The following CTLA4 variants were observed in gnomAD, a reference collection of about 807,000 sequenced individuals.
The protein encoded by CTLA4 is cytotoxic T-lymphocyte protein 4.
CTLA4 carries 3 observed loss-of-function variants against 20.4 expected under a neutral mutation model. The observed-to-expected ratio is 0.15, with a 90% CI of 0.07 to 0.38. The LOEUF (loss-of-function observed/expected upper bound fraction) is 0.38, where lower values mean the gene tolerates loss of function less well. Among genes scored for constraint, CTLA4 ranks in the 10% least tolerant of loss-of-function variants. The pLI, the probability that CTLA4 is intolerant of heterozygous loss-of-function variation, is 1.00. For missense variants in CTLA4, 184 were observed against 276.8 expected, an observed-to-expected ratio of 0.66 and a Z score of 2.38; for synonymous variants, 100 against 105.2, an observed-to-expected ratio of 0.95 and a Z score of 0.30.
At chr2:203,868,844 T>C (rs1371033861) in intron 1 of CTLA4, among the ~76,000 whole-genome samples, 2 of 152,268 alleles carry the variant, frequency 1.3e-5, no homozygotes, top group Non-Finnish European at 2.9e-5. Flanking sequence ...CTCAACCTTA[T>C]CTCTCTCTAG....
chr2:203,868,697 A>G (rs1389335168), intron 1 of CTLA4, among the ~76,000 whole-genome samples: 1 of 152,098 alleles, frequency 6.6e-6, no homozygotes, highest in East Asian at 1.9e-4. Flanking sequence ...GAAAGCCACC[A>G]GTCTGTTTGG....
At chr2:203,871,996 G>T (rs1460333458) in intron 3 of CTLA4, among the ~76,000 whole-genome samples, 1 of 152,164 alleles carries the variant, frequency 6.6e-6, no homozygotes, top group Non-Finnish European at 1.5e-5. Flanking sequence ...GCTTGACTGG[G>T]ACGTTTTGCC....
In CTLA4 at chr2:203,872,847, T is replaced by C; in HGVS notation, c.*35T>C. ...ATGAAGAAGAGAGTCCATATTTCAA[T>C]TTCCAAGAGCTGAGGCAATTCTAAC... On this transcript the variant is annotated 3_prime_UTR_variant, in exon 4 of 4. Transcript: ENST00000648405. The C allele has an allele frequency of 7.3e-7, 1 of 1,369,274 alleles. No individual in the cohort carries two copies. Among genetic ancestry groups the C allele is most frequent in the Non-Finnish European group, 1.0e-6 (1 of 959,992 alleles). 84.8% of individuals were successfully genotyped at this position (1,369,274 alleles called of 1,614,324 possible). A position where few individuals can be genotyped will look rare whatever the true frequency, so the allele number is the denominator to read the frequency against.
At position 203,873,327 on chromosome 2, in the gene CTLA4, CATATATATATATATATATATATATATAT is replaced by C. The variant is rs60872763; in HGVS notation, c.*544_*571del. The C allele has an allele frequency of 8.2e-3, 1,496 of 183,194 alleles. 50 individuals are homozygous for C. The highest frequency in any genetic ancestry group is 0.039 in the African/African-American group (1,202 of 30,762). 11.3% of individuals were successfully genotyped at this position (183,194 alleles called of 1,614,324 possible). A position where few individuals can be genotyped will look rare whatever the true frequency, so the allele number is the denominator to read the frequency against. On this transcript the variant is annotated 3_prime_UTR_variant, in exon 4 of 4. Transcript: ENST00000648405. ...TGCTAAAGGTTGTATTGCATATATA[CATATATATATATATATATATATATATAT>C]ATATATATATATATATATATATATA... is the stretch of plus-strand genomic sequence containing the variant.
Position 203,870,762 on chromosome 2 carries a change from A to T in CTLA4, c.286A>T (p.Thr96Ser). 3 of 1,614,124 alleles carry T rather than the reference A, an allele frequency of 1.9e-6. No homozygotes were observed. Among genetic ancestry groups the T allele is most frequent in the Non-Finnish European group, 2.5e-6 (3 of 1,180,012 alleles). Reference sequence around the variant, plus strand: ...AACCTACATGATGGGGAATGAGTTGACCTTCCTAGATGATTCCATCTGCAC... The same window carrying T: ...AACCTACATGATGGGGAATGAGTTGTCCTTCCTAGATGATTCCATCTGCAC... ...AATYMMGNELTFLDDSICTGT... is the reference protein window; with the variant it reads ...AATYMMGNELSFLDDSICTGT... The change falls in exon 2 of 4, where the codon ACC becomes TCC. Residue 96 changes from threonine (T) to serine (S), a missense_variant. Thr to Ser is a moderately conservative substitution (Grantham distance 58, BLOSUM62 1). Coordinates refer to ENST00000648405, the MANE Select transcript of CTLA4 (RefSeq NM_005214.5). The surrounding 1 kb of genome is among the most constrained non-coding windows in gnomAD (Gnocchi z 5.3).
chr2:203,871,311 T>A, intron 2 of CTLA4, 67 bp from the exon 3 acceptor site: 1 of 1,358,976 alleles, frequency 7.4e-7, no homozygotes, highest in Non-Finnish European at 1.0e-6. Context: ...TTTTCACCAA[T>A]GTTGGGGAGT....
rs953479720 is a variant in CTLA4 at position 203,870,030 on chromosome 2, G to A, written c.110-556G>A. On this transcript the variant is annotated intron_variant, in intron 1 of 3. Transcript: ENST00000648405. This position sits in a 1 kb window ranked among gnomAD's most constrained non-coding sequence, Gnocchi z 5.3. ...GGCTGGTACAGTGCATCAAGACACA[G>A]CTACTCCTGGGTGACAGAGGTTCAG... is the stretch of plus-strand genomic sequence containing the variant. Among the ~76,000 whole-genome samples the A allele has an allele frequency of 6.6e-6, 1 of 152,138 alleles. No homozygotes were observed. Among genetic ancestry groups the A allele is most frequent in the Non-Finnish European group, 1.5e-5 (1 of 68,028 alleles).
At position 203,873,512 on chromosome 2, in the gene CTLA4, G is replaced by A. The variant is rs766930311; in HGVS notation, c.*700G>A. 1.4e-4 allele frequency: 30 copies of A among 220,888 alleles called. No individual in the cohort carries two copies. Among genetic ancestry groups the A allele is most frequent in the Admixed American group, 4.6e-4 (8 of 17,346 alleles). 13.7% of individuals were successfully genotyped at this position (220,888 alleles called of 1,614,324 possible). The stretch of plus-strand genomic sequence containing the variant: ...AGGGAAGTTTTGTGGAGGAGCTCAG[G>A]ACACTAATACACCAGGTAGAACACA... On this transcript the variant is annotated 3_prime_UTR_variant, in exon 4 of 4. Coordinates refer to ENST00000648405, the MANE Select transcript of CTLA4 (RefSeq NM_005214.5).
In CTLA4 at chr2:203,872,766, C is replaced by G. The variant is rs778534474; in HGVS notation, c.626C>G (p.Pro209Arg). The change falls in exon 4 of 4, where the codon CCA (proline) becomes CGA (arginine). Residue 209 changes from proline to arginine, a missense_variant. By Grantham distance (103) the Pro-to-Arg change is moderately radical. This residue lies in a region of CTLA4 where 147 missense variants were observed against 223.4 expected (regional missense o/e 0.66). Coordinates refer to ENST00000648405, the MANE Select transcript of CTLA4 (RefSeq NM_005214.5). ...GVYVKMPPTE[P>R]ECEKQFQPYF... ...TATGTGAAAATGCCCCCAACAGAGC[C>G]AGAATGTGAAAAGCAATTTCAGCCT... The G allele has an allele frequency of 1.2e-6, 2 of 1,613,546 alleles. No homozygotes were observed. The highest frequency in any genetic ancestry group is 1.7e-6 in the Non-Finnish European group (2 of 1,179,510).
In CTLA4 at chr2:203,872,823, T is replaced by G. The variant is rs746318969; in HGVS notation, c.*11T>G. On this transcript the variant is annotated 3_prime_UTR_variant, in exon 4 of 4. Transcript: ENST00000648405. ...ATTCCCATCAATTGAGAAACCATTA[T>G]GAAGAAGAGAGTCCATATTTCAATT... 1.3e-6 allele frequency: 2 copies of G among 1,518,476 alleles called. No homozygotes were observed. Among genetic ancestry groups the G allele is most frequent in the Non-Finnish European group, 9.1e-7 (1 of 1,093,382 alleles). The allele number at this position is 1,518,476 out of a possible 1,614,324, so 94.1% of individuals were successfully genotyped here. A position where few individuals can be genotyped will look rare whatever the true frequency, so the allele number is the denominator to read the frequency against.
Position 203,870,683 on chromosome 2 carries a change from C to T in CTLA4, c.207C>T (p.Val69=), listed in dbSNP as rs1581573697. The T allele has an allele frequency of 6.2e-7, 1 of 1,614,196 alleles. No individual in the cohort carries two copies. Among genetic ancestry groups the T allele is most frequent in the East Asian group, 2.2e-5 (1 of 44,874 alleles). ...CATCTCCAGGCAAAGCCACTGAGGT[C>T]CGGGTGACAGTGCTTCGGCAGGCTG... ...EYASPGKATE[V]RVTVLRQADS... Residue 69 remains valine, a synonymous_variant, in exon 2 of 4, where the codon GTC becomes GTT. Coordinates refer to ENST00000648405, the MANE Select transcript of CTLA4 (RefSeq NM_005214.5). This position sits in a 1 kb window ranked among gnomAD's most constrained non-coding sequence, Gnocchi z 5.3.
In CTLA4 at chr2:203,873,415, G is replaced by A. The variant is rs1226093051; in HGVS notation, c.*603G>A. On this transcript the variant is annotated 3_prime_UTR_variant, in exon 4 of 4. Coordinates refer to ENST00000648405, the MANE Select transcript of CTLA4 (RefSeq NM_005214.5). ...TTGATAGTATTGTGCATAGAGCCACGTATGTTTTTGTGTATTTGTTAATGG... is the reference window on the plus strand; with the variant it reads ...TTGATAGTATTGTGCATAGAGCCACATATGTTTTTGTGTATTTGTTAATGG... 5 of 214,272 alleles carry A rather than the reference G, an allele frequency of 2.3e-5. No individual in the cohort carries two copies. The highest frequency in any genetic ancestry group is 1.3e-3 in the Middle Eastern group (1 of 758). The allele number at this position is 214,272 out of a possible 1,614,324, so 13.3% of individuals were successfully genotyped here. A position where few individuals can be genotyped will look rare whatever the true frequency, so the allele number is the denominator to read the frequency against.
At position 203,873,221 on chromosome 2, in the gene CTLA4, T is replaced by G. The variant is rs1688765306; in HGVS notation, c.*409T>G. 2.5e-6 allele frequency: 1 copy of G among 402,696 alleles called. No homozygotes were observed. The highest frequency in any genetic ancestry group is 2.1e-5 in the African/African-American group (1 of 48,534). 24.9% of individuals were successfully genotyped at this position (402,696 alleles called of 1,614,324 possible). On this transcript the variant is annotated 3_prime_UTR_variant, in exon 4 of 4. Transcript: ENST00000648405. Reference sequence around the variant, plus strand: ...CGAAATGATCTTTTCAAGTTAAATTTTATGCCTTTTATTTCTTAAACAAAT... The same window carrying G: ...CGAAATGATCTTTTCAAGTTAAATTGTATGCCTTTTATTTCTTAAACAAAT...
chr2:203,872,592 C>A, intron 3 of CTLA4, 116 bp from the exon 4 acceptor site: 1 of 587,280 alleles, frequency 1.7e-6, no homozygotes. Flanking sequence ...ATTCTGTATG[C>A]TGTGAACATT....
In CTLA4 at chr2:203,871,042, A is replaced by G. The variant is rs1005450828; in HGVS notation, c.457+109A>G. 5 of 895,614 alleles carry G rather than the reference A, an allele frequency of 5.6e-6. No homozygotes were observed. The East Asian group carries it at 7.9e-5, about 14-fold the overall frequency. 55.5% of individuals were successfully genotyped at this position (895,614 alleles called of 1,614,324 possible). A position where few individuals can be genotyped will look rare whatever the true frequency, so the allele number is the denominator to read the frequency against. ...GAGGTTTACTTTTAGGACTGTGGAC[A>G]TTCTCTTTAAGAGTTCTGTACCACA... On this transcript the variant is annotated intron_variant, in intron 2 of 3. Coordinates refer to ENST00000648405, the MANE Select transcript of CTLA4 (RefSeq NM_005214.5).
chr2:203,868,222 G>A (rs111860407), intron 1 of CTLA4, among the ~76,000 whole-genome samples, 171 bp downstream of exon 1: 3 of 152,270 alleles, frequency 2.0e-5, no homozygotes, highest in South Asian at 2.1e-4. Flanking sequence ...GCAGTTGGGC[G>A]GCAGCAAATA....
Position 203,870,162 on chromosome 2 carries a change from G to A in CTLA4, c.110-424G>A, listed in dbSNP as rs1055973228. ...TTCCCCTACCACTCATTATAGTTCC[G>A]GAGCTATATAGCTCCTATCATTCTA... On this transcript the variant is annotated intron_variant, in intron 1 of 3. Coordinates refer to ENST00000648405, the MANE Select transcript of CTLA4 (RefSeq NM_005214.5). The surrounding 1 kb of genome is among the most constrained non-coding windows in gnomAD (Gnocchi z 5.3). 2.9e-5 allele frequency: 5 copies of A among 174,504 alleles called. No individual in the cohort carries two copies. Among genetic ancestry groups the A allele is most frequent in the East Asian group, 1.5e-4 (1 of 6,606 alleles). 10.8% of individuals were successfully genotyped at this position (174,504 alleles called of 1,614,324 possible).
chr2:203,871,311 T>G, intron 2 of CTLA4, 67 bp from the exon 3 acceptor site: 1 of 1,358,976 alleles, frequency 7.4e-7, no homozygotes, highest in Non-Finnish European at 1.0e-6. Context: ...TTTTCACCAA[T>G]GTTGGGGAGT....
Position 203,870,992 on chromosome 2 carries a change from A to T in CTLA4, c.457+59A>T. 7.3e-7 allele frequency: 1 copy of T among 1,371,146 alleles called. No individual in the cohort carries two copies. Among genetic ancestry groups the T allele is most frequent in the South Asian group, 1.3e-5 (1 of 76,654 alleles). 84.9% of individuals were successfully genotyped at this position (1,371,146 alleles called of 1,614,324 possible). ...TTGCATTGCAGTCTTCTATGCACAA[A>T]AACAGTTTTGTTCCTTAATTTCAGG... On this transcript the variant is annotated intron_variant, in intron 2 of 3. Transcript: ENST00000648405. The surrounding 1 kb of genome is among the most constrained non-coding windows in gnomAD (Gnocchi z 5.3).
Sources: gnomAD v4.1 joint callset for allele counts (sites outside exome capture counted in the v4.1 genomes callset) on GRCh38, gnomAD v4.1.1 for gene constraint, gnomAD v4.1.1 regional missense constraint, Gnocchi (gnomAD v3.1) non-coding constraint, MANE v1.5 for transcripts, NCBI Gene and HGNC (gene_info 2026-07-23, HGNC 2026-07-21) for gene names.